GFPT1: variants seen among roughly 807,000 people sequenced by gnomAD.
GFPT1 encodes the protein glutamine--fructose-6-phosphate aminotransferase [isomerizing] 1.
GFPT1 carries 40 observed loss-of-function variants against 92.0 expected under a neutral mutation model. The ratio of observed to expected loss-of-function variants is 0.43; its 90% CI spans 0.34 to 0.57. The LOEUF (loss-of-function observed/expected upper bound fraction) is 0.57, where lower values mean the gene tolerates loss of function less well. Among genes scored for constraint, GFPT1 ranks in the 20% least tolerant of loss-of-function variants. The pLI is 0.02. For missense variants in GFPT1, 448 were observed against 869.1 expected, an observed-to-expected ratio of 0.52 and a Z score of 6.09; for synonymous variants, 269 against 280.6, an observed-to-expected ratio of 0.96 and a Z score of 0.41.
intron 3 of GFPT1, among the ~76,000 whole-genome samples, chr2:69,364,845 A>C (rs2104668588): frequency 6.6e-6 from 1 of 151,860 alleles, no homozygotes; most frequent in South Asian, 2.1e-4. Context: ...AACTACAAAA[A>C]TTAGCCGGGT....
Position 69,387,145 on chromosome 2 carries a change from T to A in GFPT1, c.-74A>T. The A allele has an allele frequency of 6.8e-7, 1 of 1,473,638 alleles. No individual in the cohort carries two copies. The highest frequency in any genetic ancestry group is 9.0e-7 in the Non-Finnish European group (1 of 1,114,118). 91.3% of individuals were successfully genotyped at this position (1,473,638 alleles called of 1,614,324 possible). A position where few individuals can be genotyped will look rare whatever the true frequency, so the allele number is the denominator to read the frequency against. ...TCGGGGGTGCACACACGAGCTTCGG[T>A]GGGCAATCTGCGGGCTCGGGGGCCG... On this transcript the variant is annotated 5_prime_UTR_variant, in exon 1 of 20. Coordinates refer to ENST00000357308, the MANE Select transcript of GFPT1 (RefSeq NM_001244710.2).
Position 69,359,454 on chromosome 2 carries a change from A to G in GFPT1, c.350-128T>C, listed in dbSNP as rs1230772973. On this transcript the variant is annotated intron_variant, in intron 4 of 19. Transcript: ENST00000357308. ...ATGCTATATACTATTTATGTTATTT[A>G]TAACATAATTACATCTACTTCTCAT... The G allele has an allele frequency of 2.4e-5, 15 of 628,074 alleles. No individual in the cohort carries two copies. In the East Asian group the frequency reaches 4.5e-4, roughly 19 times the overall value. The allele number at this position is 628,074 out of a possible 1,614,324, so 38.9% of individuals were successfully genotyped here.
chr2:69,329,717 T>G lies in GFPT1; in HGVS notation c.1564A>C (p.Lys522Gln). Residue 522 changes from lysine (K) to glutamine (Q), a missense_variant, in exon 16 of 20, where the codon AAA (lysine) becomes CAA (glutamine). Physicochemically the swap from Lys to Gln is moderately conservative, Grantham distance 53 (BLOSUM62 1). Around this residue, in one of 7 missense-constraint regions of GFPT1, gnomAD observed 73 missense variants for 103.5 expected, o/e 0.71. Coordinates refer to ENST00000357308, the MANE Select transcript of GFPT1 (RefSeq NM_001244710.2). ...DDRISMQERR[K>Q]EIMLGLKRLP... Reference sequence around the variant, plus strand: ...CGTTTCAATCCAAGCATGATCTCTTTGCGTCTTTCTTGCATGGAGATCCGA... The same window carrying G: ...CGTTTCAATCCAAGCATGATCTCTTGGCGTCTTTCTTGCATGGAGATCCGA... The G allele has an allele frequency of 6.2e-7, 1 of 1,612,808 alleles. No individual in the cohort carries two copies. The highest frequency in any genetic ancestry group is 2.2e-5 in the East Asian group (1 of 44,860).
intron 15 of GFPT1, among the ~76,000 whole-genome samples, chr2:69,336,685 G>A (rs968747662): frequency 3.0e-4 from 46 of 151,452 alleles, no homozygotes; most frequent in African/African-American, 1.1e-3. Context: ...CAGCCACTCA[G>A]GAAGCTGAGG....
chr2:69,376,240 G>C (rs544029782), intron 1 of GFPT1, among the ~76,000 whole-genome samples: 2 of 152,378 alleles, frequency 1.3e-5, no homozygotes, highest in South Asian at 4.1e-4. Context: ...GCCAGGTGCA[G>C]TGGCTCACGC....
At chr2:69,370,389 T>C (rs1463961830) in intron 2 of GFPT1, among the ~76,000 whole-genome samples, 2 of 152,034 alleles carry the variant, frequency 1.3e-5, no homozygotes, top group African/African-American at 4.8e-5. Context: ...ATAATAAAAA[T>C]ACTACAGGTT....
chr2:69,365,288 G>A (rs890296596), intron 3 of GFPT1, among the ~76,000 whole-genome samples: 3 of 151,696 alleles, frequency 2.0e-5, no homozygotes, highest in Admixed American at 2.0e-4. Context: ...GACCAGCCTG[G>A]CCAACATGGT....
chr2:69,324,500 C>T lies in GFPT1; in HGVS notation c.*1689G>A, dbSNP rs1670485822. 1.3e-5 allele frequency: 2 copies of T among 151,896 alleles called. No individual in the cohort carries two copies. Among genetic ancestry groups the T allele is most frequent in the African/African-American group, 4.8e-5 (2 of 41,356 alleles). 9.4% of individuals were successfully genotyped at this position (151,896 alleles called of 1,614,324 possible). A position where few individuals can be genotyped will look rare whatever the true frequency, so the allele number is the denominator to read the frequency against. On this transcript the variant is annotated 3_prime_UTR_variant, in exon 20 of 20. Transcript: ENST00000357308. ...ATATTATATATAATGTAAATAGTGA[C>T]CCTATTTTATTCTTAAAAAGATCAG...
At chr2:69,345,613 T>TCCCACAACTGAAACTCTGTACCCTTTAAA (rs1671064233) in intron 12 of GFPT1, among the ~76,000 whole-genome samples, 1 of 152,194 alleles carries the variant, frequency 6.6e-6, no homozygotes, top group African/African-American at 2.4e-5. Flanking sequence ...AATTTCATCA[T>TCCCACAACTGAAACTCTGTACCCTTTAAA]CCCACAACTG....
chr2:69,329,659 G>GTTT, intron 16 of GFPT1, 25 bp downstream of exon 16: 1 of 1,457,290 alleles, frequency 6.9e-7, no homozygotes, highest in South Asian at 1.1e-5. Flanking sequence ...GACAACAAAA[G>GTTT]TGTAATATAT....
intron 9 of GFPT1, 34 bp downstream of exon 9, chr2:69,354,225 G>C: frequency 7.0e-7 from 1 of 1,434,304 alleles, no homozygotes; most frequent in East Asian, 2.3e-5. Flanking sequence ...AAGAGGATAA[G>C]ATCCTCCCCA....
intron 15 of GFPT1, among the ~76,000 whole-genome samples, chr2:69,333,771 C>A (rs892969756): frequency 2.6e-5 from 4 of 152,164 alleles, no homozygotes; most frequent in African/African-American, 9.7e-5. Context: ...TCCCTCTAAT[C>A]CTGACAGTTT....
intron 10 of GFPT1, among the ~76,000 whole-genome samples, chr2:69,349,556 A>C (rs937201917): frequency 1.3e-5 from 2 of 152,134 alleles, no homozygotes; most frequent in African/African-American, 4.8e-5. Context: ...TTTTATCCTC[A>C]TTACTATTTC....
rs555537488 is a variant in GFPT1 at position 69,324,357 on chromosome 2, G to A, written c.*1832C>T. 1 of 152,236 alleles carries A rather than the reference G, an allele frequency of 6.6e-6. No individual in the cohort carries two copies. Among genetic ancestry groups the A allele is most frequent in the South Asian group, 2.1e-4 (1 of 4,822 alleles). 9.4% of individuals were successfully genotyped at this position (152,236 alleles called of 1,614,324 possible). On this transcript the variant is annotated 3_prime_UTR_variant, in exon 20 of 20. Coordinates refer to ENST00000357308, the MANE Select transcript of GFPT1 (RefSeq NM_001244710.2). Reference sequence around the variant, plus strand: ...GAAATGCTACAAACCCACACAAATTGTGTTTGTAAAACGTTAATATACAAA... The same window carrying A: ...GAAATGCTACAAACCCACACAAATTATGTTTGTAAAACGTTAATATACAAA...
intron 15 of GFPT1, among the ~76,000 whole-genome samples, chr2:69,336,739 T>C (rs576587909): frequency 2.0e-5 from 3 of 151,432 alleles, no homozygotes; most frequent in African/African-American, 7.3e-5. Context: ...CAGGGAGCTA[T>C]GATTCCTGTC....
chr2:69,345,166 G>T (rs997610093), intron 12 of GFPT1, among the ~76,000 whole-genome samples: 1 of 152,112 alleles, frequency 6.6e-6, no homozygotes, highest in Admixed American at 6.5e-5. Context: ...TGAGGCAGGA[G>T]AATCACTTGA....
At chr2:69,344,654 T>C (rs1671039519) in intron 12 of GFPT1, among the ~76,000 whole-genome samples, 1 of 146,838 alleles carries the variant, frequency 6.8e-6, no homozygotes, top group South Asian at 2.3e-4. Context: ...GTACTCTTTT[T>C]TATTTTTTTT....
At chr2:69,345,510 A>C (rs932970196) in intron 12 of GFPT1, among the ~76,000 whole-genome samples, 2 of 152,188 alleles carry the variant, frequency 1.3e-5, no homozygotes, top group African/African-American at 4.8e-5. Flanking sequence ...CCTACACATA[A>C]AATTTACCAT....
intron 15 of GFPT1, among the ~76,000 whole-genome samples, chr2:69,334,275 A>T (rs955608610): frequency 6.6e-6 from 1 of 152,210 alleles, no homozygotes; most frequent in Non-Finnish European, 1.5e-5. Flanking sequence ...ATTGTAAGTA[A>T]CTAAGCCCAA....
Sources: allele counts gnomAD v4.1 joint callset (sites outside exome capture counted in the v4.1 genomes callset), GRCh38; gene constraint gnomAD v4.1.1; regional missense constraint gnomAD v4.1.1; transcripts MANE v1.5; gene names NCBI Gene and HGNC (gene_info 2026-07-23, HGNC 2026-07-21).